Variants in NFIX observed in about 807,000 individuals in gnomAD.
NFIX encodes the protein nuclear factor 1 X-type.
NFIX carries 2 observed loss-of-function variants against 53.3 expected under a neutral mutation model. The ratio of observed to expected loss-of-function variants is 0.04; its 90% confidence interval spans 0.02 to 0.12. The LOEUF (loss-of-function observed/expected upper bound fraction) is 0.12. Ranked by LOEUF, NFIX falls within the 10% of genes least tolerant of loss-of-function variation. The pLI, the probability that NFIX is intolerant of heterozygous loss-of-function variation, is 1.00. For synonymous variants in NFIX, 244 were observed against 289.0 expected, an observed-to-expected ratio of 0.84 and a Z score of 1.58; for missense variants, 310 against 674.5, an observed-to-expected ratio of 0.46 and a Z score of 5.99.
chr19:13,061,275 G>A (rs952918660), intron 2 of NFIX, among the ~76,000 whole-genome samples: 14 of 152,332 alleles, frequency 9.2e-5, no homozygotes, highest in African/African-American at 2.9e-4. Flanking sequence ...TGCACCGCAA[G>A]CTGTTCCTAA....
intron 1 of NFIX, among the ~76,000 whole-genome samples, chr19:13,003,644 ATT>A (rs145552082): frequency 2.0e-5 from 3 of 146,828 alleles, no homozygotes; most frequent in African/African-American, 5.0e-5. Flanking sequence ...GTCTGGAAAC[ATT>A]TTTTTTTTTT....
rs775338942 is a variant in NFIX, at chr19:13,094,614, C to T, written c.1495-21C>T. 3.4e-4 allele frequency: 529 copies of T among 1,536,026 alleles called. No homozygotes were observed. Among genetic ancestry groups the T allele is most frequent in the Non-Finnish European group, 4.2e-4 (482 of 1,146,854 alleles). On this transcript the variant is annotated intron_variant, in intron 10 of 10. Transcript: ENST00000592199. This position sits in a 1 kb window ranked among gnomAD's most constrained non-coding sequence, Gnocchi z 4.3. ...CTGCCCCAGCTGTTCTCAGTATCGC[C>T]TCTTTTTCATCCTGTTTCAGTCCTG...
chr19:13,098,716 T>TC lies in NFIX; in HGVS notation c.*4068dup, dbSNP rs1413596582. ...CCGTCACTGCGCTTCTGTTATACCA[T>TC]CTTTGCCTGACTCTCTCCGGCTTCT... On this transcript the variant is annotated 3_prime_UTR_variant, in exon 11 of 11. Coordinates refer to ENST00000592199, the MANE Select transcript of NFIX (RefSeq NM_001365902.3). 1 of 141,816 alleles carries TC rather than the reference T, an allele frequency of 7.1e-6. No homozygotes were observed. Among genetic ancestry groups the TC allele is most frequent in the Non-Finnish European group, 1.6e-5 (1 of 64,268 alleles). The allele number at this position is 141,816 out of a possible 1,614,324, so 8.8% of individuals were successfully genotyped here.
At position 13,078,605 on chromosome 19, in the gene NFIX, C is replaced by T; in HGVS notation, c.956-8C>T. The T allele has an allele frequency of 6.3e-7, 1 of 1,595,850 alleles. No individual in the cohort carries two copies. The highest frequency in any genetic ancestry group is 8.5e-7 in the Non-Finnish European group (1 of 1,171,316). On this transcript the variant is annotated splice_region_variant and splice_polypyrimidine_tract_variant and intron_variant, in intron 6 of 10. Transcript: ENST00000592199. The surrounding 1 kb of genome is among the most constrained non-coding windows in gnomAD (Gnocchi z 4.7). ...AACCTGCCCTGTGTTGCTGCTTCCT[C>T]CCCCCAGGCCCGGCTTCTCTAAAGA...
At chr19:13,017,653 G>A (rs183413126) in intron 1 of NFIX, among the ~76,000 whole-genome samples, 28 of 152,340 alleles carry the variant, frequency 1.8e-4, no homozygotes, top group African/African-American at 3.6e-4. Flanking sequence ...TGACCCCTCC[G>A]AAGGAGGGGA....
Position 13,088,835 on chromosome 19 carries a change from C to CT in NFIX, c.1402+702dup, listed in dbSNP as rs756440461. Reference sequence around the variant, plus strand: ...TTACTTCATCTCTCTCTCTGTCTCTCTTTCTTTTCTTTTCTTTTCTTTTTT... The same window carrying CT: ...TTACTTCATCTCTCTCTCTGTCTCTCTTTTCTTTTCTTTTCTTTTCTTTTTT... On this transcript the variant is annotated intron_variant, in intron 9 of 10. Coordinates refer to ENST00000592199, the MANE Select transcript of NFIX (RefSeq NM_001365902.3). This position sits in a 1 kb window ranked among gnomAD's most constrained non-coding sequence, Gnocchi z 5.9. Among the ~76,000 whole-genome samples the CT allele has an allele frequency of 2.0e-5, 3 of 151,742 alleles. No individual in the cohort carries two copies. Among genetic ancestry groups the CT allele is most frequent in the East Asian group, 1.9e-4 (1 of 5,184 alleles).
In NFIX at chr19:13,090,225, AGCCCCGAGGGGCAGT is replaced by A; in HGVS notation, c.1403-69_1403-55del. ...TAACTCAGTCTCTCCCTCTCTCAGC[AGCCCCGAGGGGCAGT>A]GCCCAGGTGGGCCCCAAGGCCTGAC... On this transcript the variant is annotated intron_variant, in intron 9 of 10. Transcript: ENST00000592199. This position sits in a 1 kb window ranked among gnomAD's most constrained non-coding sequence, Gnocchi z 6.6. 1 of 1,382,004 alleles carries A rather than the reference AGCCCCGAGGGGCAGT, an allele frequency of 7.2e-7. No homozygotes were observed. The highest frequency in any genetic ancestry group is 1.2e-5 in the South Asian group (1 of 86,342). 85.6% of individuals were successfully genotyped at this position (1,382,004 alleles called of 1,614,324 possible). A position where few individuals can be genotyped will look rare whatever the true frequency, so the allele number is the denominator to read the frequency against.
chr19:13,023,619 T>G (rs2013089226), intron 1 of NFIX, among the ~76,000 whole-genome samples: 1 of 149,798 alleles, frequency 6.7e-6, no homozygotes, highest in Admixed American at 6.6e-5. Context: ...TTTTAAATTT[T>G]GCATTTTTTT....
rs1317638762 is a variant in NFIX, at chr19:13,088,853, TC to T, written c.1402+718del. On this transcript the variant is annotated intron_variant, in intron 9 of 10. Transcript: ENST00000592199. This position sits in a 1 kb window ranked among gnomAD's most constrained non-coding sequence, Gnocchi z 5.9. ...TGTCTCTCTTTCTTTTCTTTTCTTT[TC>T]TTTTTTTTTCCTCTTAAACCAATGA... 6.6e-5 allele frequency among the ~76,000 whole-genome samples: 10 copies of T among 152,152 alleles called. No individual in the cohort carries two copies. The highest frequency in any genetic ancestry group is 1.3e-4 in the Non-Finnish European group (9 of 68,022).
rs560882982 is a variant in NFIX at position 13,096,864 on chromosome 19, G to C, written c.*2215G>C. On this transcript the variant is annotated 3_prime_UTR_variant, in exon 11 of 11. Transcript: ENST00000592199. ...GCGTGCCCGGCGGGGCTGCCCGGGCGGGCAGGGGGTGGGGGCTGCTCCTTT... is the reference window on the plus strand; with the variant it reads ...GCGTGCCCGGCGGGGCTGCCCGGGCCGGCAGGGGGTGGGGGCTGCTCCTTT... 2.6e-5 allele frequency: 4 copies of C among 151,484 alleles called. No homozygotes were observed. The highest frequency in any genetic ancestry group is 7.3e-5 in the African/African-American group (3 of 41,290). 9.4% of individuals were successfully genotyped at this position (151,484 alleles called of 1,614,324 possible).
At chr19:13,038,871 G>T (rs1276272290) in intron 2 of NFIX, among the ~76,000 whole-genome samples, 1 of 152,172 alleles carries the variant, frequency 6.6e-6, no homozygotes, top group Non-Finnish European at 1.5e-5. Flanking sequence ...TGGGCTACCC[G>T]TTGTGTGTGT....
intron 1 of NFIX, among the ~76,000 whole-genome samples, chr19:13,015,387 G>A (rs963093066): frequency 1.3e-5 from 2 of 152,108 alleles, no homozygotes; most frequent in Admixed American, 6.5e-5. Flanking sequence ...CTCCCTTCCT[G>A]AGGCAGCCCC....
At chr19:13,061,146 G>A (rs1599814436) in intron 2 of NFIX, among the ~76,000 whole-genome samples, 3 of 149,940 alleles carry the variant, frequency 2.0e-5, no homozygotes, top group South Asian at 4.2e-4. Context: ...GATTCAGAGC[G>A]GCAGCCACAC....
In NFIX at chr19:13,037,438, G is replaced by A. The variant is rs183859032; in HGVS notation, c.559+11886G>A. Among the ~76,000 whole-genome samples, 19 of 152,342 alleles carry A rather than the reference G, an allele frequency of 1.2e-4. No homozygotes were observed. The highest frequency in any genetic ancestry group is 3.6e-4 in the African/African-American group (15 of 41,568). On this transcript the variant is annotated intron_variant, in intron 2 of 10. Coordinates refer to ENST00000592199, the MANE Select transcript of NFIX (RefSeq NM_001365902.3). The surrounding 1 kb of genome is among the most constrained non-coding windows in gnomAD (Gnocchi z 4.2). Reference sequence around the variant, plus strand: ...AGCCTCGTGGAAGTAATGGCGCTGAGAGATGGCGCCTGGGGAAGAAAGAGG... The same window carrying A: ...AGCCTCGTGGAAGTAATGGCGCTGAAAGATGGCGCCTGGGGAAGAAAGAGG...
rs985085110 is a variant in NFIX at position 13,022,236 on chromosome 19, T to G, written c.28-2785T>G. Among the ~76,000 whole-genome samples the G allele has an allele frequency of 1.3e-5, 2 of 152,276 alleles. No individual in the cohort carries two copies. The highest frequency in any genetic ancestry group is 3.4e-3 in the Middle Eastern group (1 of 294). On this transcript the variant is annotated intron_variant, in intron 1 of 10. Coordinates refer to ENST00000592199, the MANE Select transcript of NFIX (RefSeq NM_001365902.3). The surrounding 1 kb of genome is among the most constrained non-coding windows in gnomAD (Gnocchi z 4.5). ...GTGACAGGAGGCTATTTTAATAAAC[T>G]GTTGCAGTTTCTCGAGCCGAGCTGT...
At chr19:13,020,967 A>C (rs554171521) in intron 1 of NFIX, among the ~76,000 whole-genome samples, 2 of 152,222 alleles carry the variant, frequency 1.3e-5, no homozygotes, top group South Asian at 4.2e-4. Flanking sequence ...GTGGTCTGTG[A>C]AGTGGAACAT....
In NFIX at chr19:13,073,014, C is replaced by T. The variant is rs1279498648; in HGVS notation, c.560-33C>T. ...CTGGTGCTTATGGGGAACTTTGCTC[C>T]TGATACATTCTCCCCTTTTGTGTCT... On this transcript the variant is annotated intron_variant, in intron 2 of 10. Transcript: ENST00000592199. This position sits in a 1 kb window ranked among gnomAD's most constrained non-coding sequence, Gnocchi z 4.5. The T allele has an allele frequency of 6.2e-7, 1 of 1,609,588 alleles. No individual in the cohort carries two copies. The highest frequency in any genetic ancestry group is 1.7e-5 in the Admixed American group (1 of 60,016).
In NFIX at chr19:13,016,530, C is replaced by T. The variant is rs60053628; in HGVS notation, c.28-8491C>T. Among the ~76,000 whole-genome samples, 673 of 152,048 alleles carry T rather than the reference C, an allele frequency of 4.4e-3. 1 individual carries two copies. The highest frequency in any genetic ancestry group is 0.016 in the African/African-American group (651 of 41,446). The stretch of plus-strand genomic sequence containing the variant: ...TCTCTGCCCCTGCCCCCCGCCCCCG[C>T]ATTGCCACCTCTTCTTTTTTTTCTG... On this transcript the variant is annotated intron_variant, in intron 1 of 10. Transcript: ENST00000592199.
At chr19:13,017,943 A>T (rs1318642994) in intron 1 of NFIX, among the ~76,000 whole-genome samples, 2 of 152,146 alleles carry the variant, frequency 1.3e-5, no homozygotes, top group African/African-American at 4.8e-5. Context: ...TTGCCCCCGG[A>T]AGCCCTTCCC....
Sources: allele counts gnomAD v4.1 joint callset (sites outside exome capture counted in the v4.1 genomes callset), GRCh38; gene constraint gnomAD v4.1.1; non-coding constraint Gnocchi (gnomAD v3.1); transcripts MANE v1.5; gene names NCBI Gene and HGNC (gene_info 2026-07-23, HGNC 2026-07-21).